PARN: variants seen among roughly 807,000 people sequenced by gnomAD.
The protein encoded by PARN is poly(A)-specific ribonuclease PARN.
Under a neutral mutation model 102.8 loss-of-function variants are expected in PARN, and 71 were observed. That is an observed-to-expected ratio of 0.69 (90% CI 0.57 to 0.84). PARN has a LOEUF of 0.84. Ranked by LOEUF, PARN falls within the 40% of genes least tolerant of loss-of-function variation. The probability of loss-of-function intolerance (pLI) is 0.00; values close to 1 mark genes in which losing one functional copy is unlikely to be tolerated. For synonymous variants in PARN, 261 were observed against 252.9 expected (o/e 1.03, Z -0.30); for missense variants, 782 against 760.9 (o/e 1.03, Z -0.33).
intron 22 of PARN, among the ~76,000 whole-genome samples, chr16:14,474,682 C>T (rs1325934783): frequency 1.3e-5 from 2 of 152,156 alleles, no homozygotes; most frequent in Admixed American, 6.5e-5. Context: ...GAGTCTTTTC[C>T]GAGGTGCTAG....
intron 19 of PARN, among the ~76,000 whole-genome samples, chr16:14,555,220 A>C (rs1967598643): frequency 6.6e-6 from 1 of 152,204 alleles, no homozygotes; most frequent in African/African-American, 2.4e-5. Flanking sequence ...CCTCCCATAG[A>C]CCTTCCACGT....
chr16:14,572,311 G>A (rs1308699845), intron 18 of PARN, among the ~76,000 whole-genome samples: 2 of 151,886 alleles, frequency 1.3e-5, no homozygotes, highest in African/African-American at 2.4e-5. Context: ...TGTTCTGTCC[G>A]TTACTGGCGA....
At chr16:14,518,716 G>A (rs536583051) in intron 21 of PARN, among the ~76,000 whole-genome samples, 1 of 152,272 alleles carries the variant, frequency 6.6e-6, no homozygotes, top group South Asian at 2.1e-4. Context: ...CAGGATGGAG[G>A]AGACAGGAAT....
chr16:14,509,793 A>G (rs184068412), intron 21 of PARN, among the ~76,000 whole-genome samples: 36 of 152,330 alleles, frequency 2.4e-4, no homozygotes, highest in Admixed American at 2.2e-3. Flanking sequence ...ATGTTTTTCT[A>G]TTCTTCAAGG....
chr16:14,513,214 T>G (rs564751241), intron 21 of PARN, among the ~76,000 whole-genome samples: 1 of 152,250 alleles, frequency 6.6e-6, no homozygotes, highest in South Asian at 2.1e-4. Context: ...CATGAGCCAC[T>G]GCGCCTGGCC....
chr16:14,521,717 G>C (rs1217140944), intron 21 of PARN, among the ~76,000 whole-genome samples: 1 of 151,894 alleles, frequency 6.6e-6, no homozygotes, highest in Non-Finnish European at 1.5e-5. Context: ...CAGGAGAATT[G>C]CTTGAACCCG....
intron 18 of PARN, among the ~76,000 whole-genome samples, chr16:14,572,438 T>C (rs146786698): frequency 6.6e-6 from 1 of 152,234 alleles, no homozygotes; most frequent in African/African-American, 2.4e-5. Context: ...GTCAAGCACA[T>C]GCATATTACA....
At chr16:14,567,508 G>A (rs1400881705) in intron 18 of PARN, among the ~76,000 whole-genome samples, 5 of 152,156 alleles carry the variant, frequency 3.3e-5, no homozygotes, top group Admixed American at 1.3e-4. Flanking sequence ...CCCATTTTTG[G>A]TAAAAGCTGC....
At chr16:14,620,800 C>G (rs1972248593) in intron 5 of PARN, among the ~76,000 whole-genome samples, 1 of 152,180 alleles carries the variant, frequency 6.6e-6, no homozygotes, top group Non-Finnish European at 1.5e-5. Flanking sequence ...CACGGAATGA[C>G]TGTGTTTCCC....
At chr16:14,525,580 T>C (rs2151659152) in intron 21 of PARN, among the ~76,000 whole-genome samples, 1 of 152,192 alleles carries the variant, frequency 6.6e-6, no homozygotes, top group Admixed American at 6.5e-5. Context: ...GACCCTTCCC[T>C]CAGCCTGTCC....
intron 23 of PARN, among the ~76,000 whole-genome samples, chr16:14,445,439 G>C (rs1005395041): frequency 1.3e-5 from 2 of 152,308 alleles, no homozygotes; most frequent in Middle Eastern, 3.4e-3. Context: ...ACTTTCCTTT[G>C]ATTTGATTGT....
chr16:14,556,139 A>T (rs1331681725), intron 18 of PARN, among the ~76,000 whole-genome samples: 2 of 149,216 alleles, frequency 1.3e-5, no homozygotes, highest in Non-Finnish European at 3.0e-5. Context: ...CTGGCTTTAT[A>T]ATTATTATTA....
chr16:14,552,866 T>C (rs1193541904), intron 20 of PARN, among the ~76,000 whole-genome samples: 1 of 152,010 alleles, frequency 6.6e-6, no homozygotes, highest in Non-Finnish European at 1.5e-5. Context: ...GAGAATGGCT[T>C]GAACCTGGGA....
At chr16:14,456,734 T>C (rs1196186911) in intron 22 of PARN, among the ~76,000 whole-genome samples, 2 of 151,980 alleles carry the variant, frequency 1.3e-5, no homozygotes, top group Non-Finnish European at 2.9e-5. Context: ...CCAAGTTCAA[T>C]GTTCTTGGCA....
intron 18 of PARN, among the ~76,000 whole-genome samples, chr16:14,578,351 AAG>A (rs1318202107): frequency 6.7e-6 from 1 of 149,318 alleles, no homozygotes; most frequent in Admixed American, 6.7e-5. Flanking sequence ...AAAAAAAAAA[AAG>A]AGGAATAAAA....
chr16:14,435,927 C>CACACAA lies in PARN; in HGVS notation c.*789_*790insTTGTGT, dbSNP rs1406261378. 6.6e-6 allele frequency: 1 copy of CACACAA among 152,484 alleles called. No homozygotes were observed. The highest frequency in any genetic ancestry group is 1.5e-5 in the Non-Finnish European group (1 of 68,714). 9.4% of individuals were successfully genotyped at this position (152,484 alleles called of 1,614,324 possible). ...ACACACACACACACACACACACACA[C>CACACAA]ACACACACACACACACAGACACGTA... On this transcript the variant is annotated 3_prime_UTR_variant, in exon 24 of 24. Transcript: ENST00000437198.
chr16:14,596,788 CTTT>C (rs200386556), intron 12 of PARN, among the ~76,000 whole-genome samples: 4 of 135,714 alleles, frequency 2.9e-5, no homozygotes, highest in Non-Finnish European at 3.2e-5. Context: ...TTTTTCTTTC[CTTT>C]TTTTTTTTTT....
chr16:14,600,015 G>A (rs1004663756), intron 11 of PARN, 55 bp from the exon 12 acceptor site: 18 of 1,013,210 alleles, frequency 1.8e-5, no homozygotes, highest in Non-Finnish European at 2.6e-5. Flanking sequence ...TTCCTTATGT[G>A]AATTAAAAAA....
In PARN at chr16:14,573,253, T is replaced by C. The variant is rs186647880; in HGVS notation, c.1262+7621A>G. Among the ~76,000 whole-genome samples the C allele has an allele frequency of 1.4e-3, 210 of 152,330 alleles. 1 individual carries two copies. The highest frequency in any genetic ancestry group is 2.4e-3 in the Non-Finnish European group (166 of 68,026). Reference sequence around the variant, plus strand: ...TGTACAACATGTTTTGAAATATGTATACACTGTAAGATGGCTAAATTAGAC... The same window carrying C: ...TGTACAACATGTTTTGAAATATGTACACACTGTAAGATGGCTAAATTAGAC... On this transcript the variant is annotated intron_variant, in intron 18 of 23. Coordinates refer to ENST00000437198, the MANE Select transcript of PARN (RefSeq NM_002582.4).
Sources: allele counts gnomAD v4.1 joint callset (sites outside exome capture counted in the v4.1 genomes callset), GRCh38; gene constraint gnomAD v4.1.1; transcripts MANE v1.5; gene names NCBI Gene and HGNC (gene_info 2026-07-23, HGNC 2026-07-21).